EMC3: variants seen among roughly 807,000 people sequenced by gnomAD.
EMC3 encodes ER membrane protein complex subunit 3.
A neutral mutation model predicts 36.6 loss-of-function variants in EMC3; 13 were observed. That is an observed-to-expected ratio of 0.35 (90% CI 0.23 to 0.56). The LOEUF is 0.56. Ranked by LOEUF, EMC3 falls within the 20% of genes least tolerant of loss-of-function variation. EMC3 has a pLI of 0.84. For missense variants in EMC3, 220 were observed against 324.5 expected, an observed-to-expected ratio of 0.68 and a Z score of 2.47; for synonymous variants, 120 against 111.9, an observed-to-expected ratio of 1.07 and a Z score of -0.46.
upstream of EMC3, chr3:9,986,900 G>A (rs2085981313): frequency 1.4e-5 from 19 of 1,313,662 alleles, no homozygotes; most frequent in Non-Finnish European, 1.9e-5. Flanking sequence ...AGCGGCGTCG[G>A]GCCTGGCGGG....
chr3:9,970,529 TG>T, intron 6 of EMC3, 52 bp downstream of exon 6: 7 of 1,575,018 alleles, frequency 4.4e-6, no homozygotes, highest in Non-Finnish European at 6.1e-6. Flanking sequence ...GGCTCTAATA[TG>T]GATGATTCAT....
chr3:9,965,416 C>CA (rs373411793), intron 7 of EMC3, among the ~76,000 whole-genome samples: 14 of 145,862 alleles, frequency 9.6e-5, no homozygotes, highest in Admixed American at 1.4e-4. Flanking sequence ...GTGAGACCCT[C>CA]GATAGATAGA....
rs547501701 is a variant in EMC3 at position 10,008,865 on chromosome 3, C to T, written c.-242+2158G>A. ...AGGAGGCCCTCAATCAGTATTTGTG[C>T]AATCAGTGAGACCCTGGGATTCAAG... On this transcript the variant is annotated intron_variant, in intron 1 of 8. Transcript: ENST00000470827. The T allele has an allele frequency of 4.1e-5, 8 of 192,970 alleles. 1 individual carries two copies. The East Asian group carries it at 7.9e-4, about 19-fold the overall frequency. 12.0% of individuals were successfully genotyped at this position (192,970 alleles called of 1,614,324 possible).
intron 1 of EMC3, chr3:9,992,734 A>C (rs1211727276): frequency 9.8e-6 from 6 of 610,736 alleles, no homozygotes; most frequent in African/African-American, 9.3e-5. Flanking sequence ...GGGTTTTGTG[A>C]AAAGTGTAGA....
At chr3:9,981,227 G>A (rs924338311) in intron 1 of EMC3, among the ~76,000 whole-genome samples, 1 of 152,150 alleles carries the variant, frequency 6.6e-6, no homozygotes, top group Non-Finnish European at 1.5e-5. Flanking sequence ...GACAAAGCAA[G>A]ACCCTGTCCC....
At chr3:9,964,317 G>A in intron 7 of EMC3, 120 bp from the exon 8 acceptor site, 1 of 1,445,608 alleles carries the variant, frequency 6.9e-7, no homozygotes, top group Non-Finnish European at 9.1e-7. Flanking sequence ...GCATGTATAA[G>A]CTCATTCAAT....
intron 1 of EMC3, among the ~76,000 whole-genome samples, chr3:10,002,384 G>C (rs1037912405): frequency 2.6e-5 from 4 of 151,762 alleles, no homozygotes; most frequent in African/African-American, 9.7e-5. Context: ...GACCTTCCAG[G>C]TTCAGGTGAT....
upstream of EMC3, among the ~76,000 whole-genome samples, chr3:9,989,748 T>C (rs1173406234): frequency 6.6e-6 from 1 of 152,160 alleles, no homozygotes; most frequent in Non-Finnish European, 1.5e-5. Context: ...TATTTTTACG[T>C]ATTTGTAATC....
chr3:10,009,405 G>A (rs2086300297), intron 1 of EMC3, among the ~76,000 whole-genome samples: 1 of 152,214 alleles, frequency 6.6e-6, no homozygotes, highest in South Asian at 2.1e-4. Flanking sequence ...TTGTGAAGGG[G>A]TATGAGGCGG....
At chr3:9,969,262 A>G (rs2085761699) in intron 7 of EMC3, 1 of 1,008,492 alleles carries the variant, frequency 9.9e-7, no homozygotes, top group South Asian at 2.3e-5. Context: ...GCCTGGCCGG[A>G]ACTTCCCTTC....
At chr3:10,005,469 A>G (rs1207900258) in intron 1 of EMC3, among the ~76,000 whole-genome samples, 1 of 152,092 alleles carries the variant, frequency 6.6e-6, no homozygotes, top group Non-Finnish European at 1.5e-5. Context: ...GTCATACTGT[A>G]TTTCAGGAAT....
At chr3:9,966,728 C>A (rs2085739903) in intron 7 of EMC3, among the ~76,000 whole-genome samples, 1 of 152,080 alleles carries the variant, frequency 6.6e-6, no homozygotes. Flanking sequence ...GCAGGCACCA[C>A]TATGCCCAGC....
chr3:9,990,697 A>T (rs1009365809), upstream of EMC3, among the ~76,000 whole-genome samples: 4 of 151,278 alleles, frequency 2.6e-5, no homozygotes, highest in Non-Finnish European at 5.9e-5. Flanking sequence ...TTTAGCAGAG[A>T]TGGGATTTCA....
At chr3:9,974,347 T>C (rs2085821588) in intron 4 of EMC3, 37 bp downstream of exon 4, 10 of 1,421,406 alleles carry the variant, frequency 7.0e-6, no homozygotes, top group Non-Finnish European at 9.0e-6. Flanking sequence ...CTTGAATTTC[T>C]CTGGGTAACA....
At chr3:10,008,489 TG>T in intron 1 of EMC3, 1 of 1,367,054 alleles carries the variant, frequency 7.3e-7, no homozygotes, top group Non-Finnish European at 9.8e-7. Flanking sequence ...ATTCTTCTCC[TG>T]GGGGGCTGAC....
rs2086295320 is a variant in EMC3, at chr3:10,009,051, T to TG, written c.-242+1971dup. On this transcript the variant is annotated intron_variant, in intron 1 of 8. Coordinates refer to the EMC3 transcript ENST00000470827. ...CTAAGCTTATTTGCCTGTCCAATCT[T>TG]GGGGATCCTGAGCTCCCTACTGGGC... is the stretch of plus-strand genomic sequence containing the variant. 3 of 152,700 alleles carry TG rather than the reference T, an allele frequency of 2.0e-5. 1 individual carries two copies. The South Asian group carries it at 6.1e-4, about 31-fold the overall frequency. 9.5% of individuals were successfully genotyped at this position (152,700 alleles called of 1,614,324 possible).
chr3:9,974,550 C>T, intron 3 of EMC3, 62 bp from the exon 4 acceptor site: 1 of 1,168,410 alleles, frequency 8.6e-7, no homozygotes, highest in Non-Finnish European at 1.3e-6. Flanking sequence ...GGACTTTCTC[C>T]TGATTTTCTG....
At chr3:10,001,283 C>T (rs769222828) in intron 1 of EMC3, among the ~76,000 whole-genome samples, 9 of 151,780 alleles carry the variant, frequency 5.9e-5, no homozygotes, top group Non-Finnish European at 8.8e-5. Flanking sequence ...ATTTGTCGGC[C>T]GGGCATGGTG....
chr3:9,969,381 T>G (rs1040903397), intron 7 of EMC3: 32 of 1,150,450 alleles, frequency 2.8e-5, no homozygotes, highest in Non-Finnish European at 3.4e-5. Context: ...TATTGTTTTT[T>G]TAATGCAATT....
Sources: allele counts gnomAD v4.1 joint callset (sites outside exome capture counted in the v4.1 genomes callset), GRCh38; gene constraint gnomAD v4.1.1; transcripts MANE v1.5; gene names NCBI Gene and HGNC (gene_info 2026-07-23, HGNC 2026-07-21).